PCNT: variants seen among roughly 807,000 people sequenced by gnomAD.
The protein encoded by PCNT is pericentrin.
Under a neutral mutation model 380.4 loss-of-function variants are expected in PCNT, and 319 were observed. That is an observed-to-expected ratio of 0.84 (90% CI 0.77 to 0.92). The LOEUF (loss-of-function observed/expected upper bound fraction) is 0.92. Among genes scored for constraint, PCNT ranks in the 40% least tolerant of loss-of-function variants. The probability of loss-of-function intolerance (pLI) is 0.00; values close to 1 mark genes in which losing one functional copy is unlikely to be tolerated. For missense variants in PCNT, 4,400 were observed against 4,255.3 expected, an observed-to-expected ratio of 1.03 and a Z score of -0.95; for synonymous variants, 1,845 against 1,735.2, an observed-to-expected ratio of 1.06 and a Z score of -1.57.
rs190175144 is a variant in PCNT at position 46,387,221 on chromosome 21, G to T, written c.3464+1238G>T. ...CATGCTGAGGGTCCATCCGTGTGTG[G>T]GGGGTGTCTGTGCAGGTCTCTCTTT... On this transcript the variant is annotated intron_variant, in intron 17 of 46. Transcript: ENST00000359568. Among the ~76,000 whole-genome samples, 941 of 152,324 alleles carry T rather than the reference G, an allele frequency of 6.2e-3. 10 individuals are homozygous for T. The highest frequency in any genetic ancestry group is 0.022 in the African/African-American group (903 of 41,572).
At chr21:46,363,215 G>T (rs2084780501) in intron 13 of PCNT, among the ~76,000 whole-genome samples, 1 of 152,166 alleles carries the variant, frequency 6.6e-6, no homozygotes, top group Non-Finnish European at 1.5e-5. Context: ...GTTGTTGGTT[G>T]CTGTCAAGGC....
At chr21:46,355,063 A>G (rs997758051) in intron 11 of PCNT, among the ~76,000 whole-genome samples, 2 of 152,176 alleles carry the variant, frequency 1.3e-5, no homozygotes, top group Non-Finnish European at 2.9e-5. Flanking sequence ...CAGTGGTCAC[A>G]GGAGGCTGGC....
chr21:46,368,696 A>G (rs959754413), intron 15 of PCNT, among the ~76,000 whole-genome samples: 3 of 152,222 alleles, frequency 2.0e-5, no homozygotes, highest in African/African-American at 7.2e-5. Flanking sequence ...ATGTGGAGCC[A>G]CTGGGGCTGG....
At chr21:46,338,541 C>T (rs989250787) in intron 3 of PCNT, among the ~76,000 whole-genome samples, 1 of 151,718 alleles carries the variant, frequency 6.6e-6, no homozygotes, top group Non-Finnish European at 1.5e-5. Context: ...GTTTGTTTAT[C>T]CACTCACCTG....
At chr21:46,375,607 GC>G (rs34300352) in intron 15 of PCNT, among the ~76,000 whole-genome samples, 48,906 of 152,120 alleles carry the variant, frequency 0.32, 8,380 homozygotes, top group Middle Eastern at 0.42. Flanking sequence ...CTTTGAGCCG[GC>G]CCGGTCAGAT....
intron 8 of PCNT, 71 bp downstream of exon 8, chr21:46,349,891 A>G: frequency 2.1e-6 from 3 of 1,406,628 alleles, no homozygotes; most frequent in Non-Finnish European, 3.0e-6. Context: ...GAATTGGGCT[A>G]TTTCGTATTG....
chr21:46,324,197 C>T lies in PCNT; in HGVS notation c.-32C>T, dbSNP rs763675645. On this transcript the variant is annotated 5_prime_UTR_variant, in exon 1 of 47. Transcript: ENST00000359568. ...AGGCTGCTCTGTGTCAGCCCCGTCA[C>T]CGCCGGGCGGCCCGCGCGGAGTCTG... 9 of 1,597,234 alleles carry T rather than the reference C, an allele frequency of 5.6e-6. No homozygotes were observed. Among genetic ancestry groups the T allele is most frequent in the Non-Finnish European group, 7.7e-6 (9 of 1,169,782 alleles).
At chr21:46,378,070 T>G (rs2085389037) in intron 15 of PCNT, among the ~76,000 whole-genome samples, 2 of 152,184 alleles carry the variant, frequency 1.3e-5, no homozygotes, top group East Asian at 3.9e-4. Context: ...TCTGCATATC[T>G]TATGCCCTTT....
intron 29 of PCNT, among the ~76,000 whole-genome samples, chr21:46,414,618 G>T (rs796089216): frequency 2.3e-4 from 27 of 117,598 alleles, no homozygotes; most frequent in African/African-American, 8.4e-4. Flanking sequence ...TCCTCCTCCT[G>T]GACACACAGC....
chr21:46,423,032 G>A (rs942056334), intron 32 of PCNT, among the ~76,000 whole-genome samples: 13 of 152,112 alleles, frequency 8.5e-5, no homozygotes, highest in African/African-American at 3.1e-4. Context: ...AGGATCGTTG[G>A]AGCCCAGGAG....
Position 46,443,816 on chromosome 21 carries a change from G to T in PCNT, c.9707G>T (p.Arg3236Leu). 1.9e-6 allele frequency: 3 copies of T among 1,613,732 alleles called. No homozygotes were observed. Among genetic ancestry groups the T allele is most frequent in the Non-Finnish European group, 2.5e-6 (3 of 1,179,994 alleles). ...TTAAATAATTCTGGGGAAGGGCCCC[G>T]AGCACGACAGCCGCAGTCTCCACCC... ...AQGKAPRPGP[R>L]ARQPQSPPRT... Residue 3236 changes from arginine (R) to leucine (L), a missense_variant, in exon 45 of 47, where the codon CGA (arginine) becomes CTA (leucine). By Grantham distance (102) the Arg-to-Leu change is moderately radical. Transcript: ENST00000359568.
intron 11 of PCNT, 98 bp downstream of exon 11, chr21:46,354,166 A>G: frequency 9.0e-7 from 1 of 1,114,624 alleles, no homozygotes; most frequent in South Asian, 1.3e-5. Context: ...CGTCCTTCCC[A>G]CCTTGTCCAG....
chr21:46,385,960 C>T lies in PCNT; in HGVS notation c.3441C>T (p.Asp1147=), dbSNP rs201652457. ...GANLLSMLKA[D]VNLSHSERGA... Reference sequence around the variant, plus strand: ...ACCTCCTCTCCATGCTCAAGGCCGACGTCAACCTGTCCCACAGCGAAAGGT... The same window carrying T: ...ACCTCCTCTCCATGCTCAAGGCCGATGTCAACCTGTCCCACAGCGAAAGGT... The change falls in exon 17 of 47, where the codon GAC becomes GAT. Residue 1147 remains aspartate, a synonymous_variant. Coordinates refer to ENST00000359568, the MANE Select transcript of PCNT (RefSeq NM_006031.6). 5.0e-5 allele frequency: 80 copies of T among 1,614,170 alleles called. No individual in the cohort carries two copies. In the East Asian group the frequency reaches 9.8e-4, roughly 20 times the overall value.
At chr21:46,415,640 C>T (rs765446262) in intron 29 of PCNT, among the ~76,000 whole-genome samples, 5 of 152,100 alleles carry the variant, frequency 3.3e-5, no homozygotes, top group African/African-American at 4.8e-5. Flanking sequence ...GTCTCAGCCT[C>T]CCAAAATGCT....
intron 39 of PCNT, among the ~76,000 whole-genome samples, chr21:46,436,751 G>C (rs536150716): frequency 6.6e-6 from 1 of 152,158 alleles, no homozygotes; most frequent in Non-Finnish European, 1.5e-5. Context: ...TCCCGTGCTC[G>C]GTGGCGCGCC....
At position 46,430,585 on chromosome 21, in the gene PCNT, C is replaced by G. The variant is rs1175343231; in HGVS notation, c.7992C>G (p.Ala2664=). 3.8e-6 allele frequency: 6 copies of G among 1,563,538 alleles called. No homozygotes were observed. The East Asian group carries it at 9.5e-5, about 25-fold the overall frequency. ...AGAGTGAGCAGGGGAAGGGGCGTGC[C>G]CTGCAGAGCCAGCTGGAGGAGGAGC... The part of the protein sequence containing the change: ...ELESEQGKGR[A]LQSQLEEEQL... The change falls in exon 37 of 47, where the codon GCC becomes GCG. Residue 2664 remains alanine (A), a synonymous_variant. Transcript: ENST00000359568.
At chr21:46,417,184 CTTTTTTT>C (rs71318076) in intron 30 of PCNT, among the ~76,000 whole-genome samples, 44 of 73,350 alleles carry the variant, frequency 6.0e-4, no homozygotes, top group African/African-American at 2.0e-3. Flanking sequence ...GGAATGCTTC[CTTTTTTT>C]TTTTTTTTTT....
intron 12 of PCNT, among the ~76,000 whole-genome samples, chr21:46,356,561 C>T (rs974217985): frequency 6.6e-6 from 1 of 152,166 alleles, no homozygotes; most frequent in African/African-American, 2.4e-5. Flanking sequence ...GGAACCCTGG[C>T]AGGCCCCTGA....
At position 46,445,311 on chromosome 21, in the gene PCNT, C is replaced by A. The variant is rs572189125; in HGVS notation, c.9995C>A (p.Pro3332Gln). 4 of 1,607,862 alleles carry A rather than the reference C, an allele frequency of 2.5e-6. No individual in the cohort carries two copies. The highest frequency in any genetic ancestry group is 3.4e-6 in the Non-Finnish European group (4 of 1,174,396). The change falls in exon 47 of 47, where the codon CCG (proline) becomes CAG (glutamine). Residue 3332 changes from proline to glutamine, a missense_variant. Transcript: ENST00000359568. ...TCTACTTCAAAGAAATCCTGCCACCCGATGATTAAACAGTGAATAAAATGT... is the reference window on the plus strand; with the variant it reads ...TCTACTTCAAAGAAATCCTGCCACCAGATGATTAAACAGTGAATAAAATGT... ...PDSTSKKSCH[P>Q]MIKQ
Sources: gnomAD v4.1 joint callset for allele counts (sites outside exome capture counted in the v4.1 genomes callset) on GRCh38, gnomAD v4.1.1 for gene constraint, MANE v1.5 for transcripts, NCBI Gene and HGNC (gene_info 2026-07-23, HGNC 2026-07-21) for gene names.